The following NRK variants were observed in gnomAD, a reference collection of about 807,000 sequenced individuals.
NRK encodes the protein Nik related kinase.
Under a neutral mutation model 125.2 loss-of-function variants are expected in NRK, and 67 were observed. The ratio of observed to expected loss-of-function variants is 0.54; its 90% confidence interval spans 0.44 to 0.66. The LOEUF is 0.66. Ranked by LOEUF, NRK falls within the 30% of genes least tolerant of loss-of-function variation. NRK has a pLI of 0.00. For synonymous variants in NRK, 458 were observed against 429.0 expected (o/e 1.07, Z -0.84); for missense variants, 1,224 against 1,192.9 (o/e 1.03, Z -0.38).
intron 4 of NRK, 115 bp downstream of exon 4, chrX:105,881,894 C>T (rs1384914559): frequency 2.3e-6 from 1 of 438,714 alleles, no homozygotes; most frequent in Admixed American, 3.8e-5. Context: ...TAAAAGTGTT[C>T]TTGCCTGAAA....
chrX:105,924,260 G>T (rs186610700), intron 18 of NRK, among the ~76,000 whole-genome samples: 55 of 110,789 alleles, frequency 5.0e-4, no homozygotes, highest in African/African-American at 1.6e-3. Flanking sequence ...CAAGGCACAT[G>T]TTGAAATGAA....
At chrX:105,827,667 G>C in intron 1 of NRK, among the ~76,000 whole-genome samples, 2 of 112,192 alleles carry the variant, frequency 1.8e-5, no homozygotes, top group Non-Finnish European at 3.8e-5. Flanking sequence ...AACTGCAGGA[G>C]ATAATTTAGA....
At position 105,898,692 on chromosome X, in the gene NRK, C is replaced by T. The variant is rs959576574; in HGVS notation, c.689C>T (p.Pro230Leu). ...APEVIDCDED[P>L]RRSYDYRSDV... The stretch of plus-strand genomic sequence containing the variant: ...GAGGTGATTGACTGTGATGAGGACC[C>T]AAGACGCTCCTATGATTACAGAGTG... Residue 230 changes from proline to leucine, a missense_variant, in exon 8 of 29, where the codon CCA becomes CTA. Physicochemically the swap from Pro to Leu is moderately conservative, Grantham distance 98 (BLOSUM62 -3). Coordinates refer to ENST00000243300, the MANE Select transcript of NRK (RefSeq NM_198465.4). 3 of 1,190,373 alleles carry T rather than the reference C, an allele frequency of 2.5e-6. No individual in the cohort carries two copies. Among genetic ancestry groups the T allele is most frequent in the Non-Finnish European group, 3.4e-6 (3 of 884,467 alleles).
chrX:105,924,486 G>C (rs755279050), intron 18 of NRK, among the ~76,000 whole-genome samples: 1 of 111,722 alleles, frequency 9.0e-6, no homozygotes, highest in Non-Finnish European at 1.9e-5. Flanking sequence ...GAAATTGGTG[G>C]TGGCTATGGC....
chrX:105,956,568 CAT>C lies in NRK; in HGVS notation c.*970_*971del, dbSNP rs1301297668. 1 of 111,834 alleles carries C rather than the reference CAT, an allele frequency of 8.9e-6. No individual in the cohort carries two copies. Among genetic ancestry groups the C allele is most frequent in the Non-Finnish European group, 1.9e-5 (1 of 53,102 alleles). 9.2% of individuals were successfully genotyped at this position (111,834 alleles called of 1,213,427 possible). Reference sequence around the variant, plus strand: ...CCAGTATTAAACAAAAAGAATTAAACATAACTATGAAAAAACTTTGCTAATAT... The same window carrying C: ...CCAGTATTAAACAAAAAGAATTAAACAACTATGAAAAAACTTTGCTAATAT... On this transcript the variant is annotated 3_prime_UTR_variant, in exon 29 of 29. Transcript: ENST00000243300.
intron 7 of NRK, 26 bp from the exon 8 acceptor site, chrX:105,898,557 AT>A: frequency 8.5e-7 from 1 of 1,176,083 alleles, no homozygotes; most frequent in Non-Finnish European, 1.1e-6. Flanking sequence ...CTGATTGATT[AT>A]TTTGACATAT....
At chrX:105,947,495 G>C (rs1602704047) in intron 26 of NRK, among the ~76,000 whole-genome samples, 1 of 104,608 alleles carries the variant, frequency 9.6e-6, no homozygotes, top group Admixed American at 1.0e-4. Context: ...CTAAAATATA[G>C]ATTGTCATAA....
chrX:105,835,801 T>G (rs770250227), intron 2 of NRK, among the ~76,000 whole-genome samples: 91 of 110,288 alleles, frequency 8.3e-4, no homozygotes, highest in Non-Finnish European at 1.4e-3. Flanking sequence ...CTCCATCAGA[T>G]CTGTACCATA....
intron 2 of NRK, among the ~76,000 whole-genome samples, chrX:105,865,115 C>T (rs1213994055): frequency 8.9e-6 from 1 of 111,746 alleles, no homozygotes; most frequent in African/African-American, 3.3e-5. Context: ...TGTTGCACCC[C>T]TTAGCAGCTG....
At chrX:105,941,865 T>A (rs990934587) in intron 23 of NRK, among the ~76,000 whole-genome samples, 1 of 110,591 alleles carries the variant, frequency 9.0e-6, no homozygotes, top group African/African-American at 3.3e-5. Context: ...ATTTTTATCA[T>A]CCCCAAAAGA....
rs757687273 is a variant in NRK at position 105,885,470 on chromosome X, TGTC to T, written c.253-2823_253-2821del. On this transcript the variant is annotated intron_variant, in intron 4 of 28. Coordinates refer to ENST00000243300, the MANE Select transcript of NRK (RefSeq NM_198465.4). ...CATTGAAAATTTTAACAATTTAAGT[TGTC>T]TTTTTGTAAGTTAACATTTTAAGAT... 2.3e-3 allele frequency among the ~76,000 whole-genome samples: 255 copies of T among 112,894 alleles called. 1 individual carries two copies. Among genetic ancestry groups the T allele is most frequent in the African/African-American group, 8.0e-3 (249 of 31,140 alleles).
chrX:105,921,869 AG>A, intron 16 of NRK, 94 bp from the exon 17 acceptor site: 4 of 378,242 alleles, frequency 1.1e-5, no homozygotes, highest in Non-Finnish European at 9.3e-6. Flanking sequence ...AAAAAAAAAA[AG>A]AAAAAAAACC....
chrX:105,822,955 G>C, intron 1 of NRK, 53 bp downstream of exon 1: 1 of 1,030,759 alleles, frequency 9.7e-7, no homozygotes. Context: ...GGCGGGTTCT[G>C]CGTACCAGAG....
chrX:105,921,360 T>C (rs1380801359), intron 16 of NRK, among the ~76,000 whole-genome samples: 6 of 103,839 alleles, frequency 5.8e-5, no homozygotes, highest in African/African-American at 1.1e-4. Flanking sequence ...AGGGGTAGCA[T>C]TGGGAGATAT....
intron 10 of NRK, among the ~76,000 whole-genome samples, chrX:105,906,010 A>T (rs1294704703): frequency 8.9e-6 from 1 of 111,814 alleles, no homozygotes; most frequent in Non-Finnish European, 1.9e-5. Flanking sequence ...CATTATATTC[A>T]TTCCTCTGTA....
Position 105,885,195 on chromosome X carries a change from A to G in NRK, c.253-3099A>G, listed in dbSNP as rs191469198. On this transcript the variant is annotated intron_variant, in intron 4 of 28. Coordinates refer to ENST00000243300, the MANE Select transcript of NRK (RefSeq NM_198465.4). The stretch of plus-strand genomic sequence containing the variant: ...TGAACTATTATAGATGAAATAGGAG[A>G]GCTTTTTAATTTACAATCAAATAAA... Among the ~76,000 whole-genome samples the G allele has an allele frequency of 2.7e-5, 3 of 112,289 alleles. No homozygotes were observed. In the East Asian group the frequency reaches 8.5e-4, roughly 32 times the overall value.
rs1487622104 is a variant in NRK, at chrX:105,927,810, G to A, written c.3312+2779G>A. On this transcript the variant is annotated intron_variant, in intron 19 of 28. Transcript: ENST00000243300. ...GATTTGCATATGTTGAATCTCCCAT[G>A]TATCCCTGGGATAAATCACACTCAA... Among the ~76,000 whole-genome samples, 4 of 111,373 alleles carry A rather than the reference G, an allele frequency of 3.6e-5. No individual in the cohort carries two copies. The East Asian group carries it at 1.1e-3, about 31-fold the overall frequency.
intron 4 of NRK, among the ~76,000 whole-genome samples, chrX:105,883,621 T>C (rs1197139840): frequency 6.3e-5 from 7 of 111,946 alleles, no homozygotes; most frequent in Non-Finnish European, 1.3e-4. Context: ...GCCCAGCGCA[T>C]CTCTTGTTCT....
At chrX:105,945,850 G>T (rs1217083647) in intron 24 of NRK, 22 bp from the exon 25 acceptor site, 2 of 1,195,087 alleles carry the variant, frequency 1.7e-6, no homozygotes, top group East Asian at 3.0e-5. Context: ...TAACATGTCT[G>T]GCCCTTTTCA....
Sources: allele counts gnomAD v4.1 joint callset (sites outside exome capture counted in the v4.1 genomes callset), GRCh38; gene constraint gnomAD v4.1.1; transcripts MANE v1.5; gene names NCBI Gene and HGNC (gene_info 2026-07-23, HGNC 2026-07-21).